The following FRZB variants were observed in gnomAD, a reference collection of about 807,000 sequenced individuals.
FRZB encodes frizzled related protein, also known as secreted frizzled-related protein 3.
In FRZB, 34 loss-of-function variants were observed where a neutral mutation model predicts 32.5. The observed-to-expected ratio is 1.05, with a 90% CI of 0.80 to 1.39. The LOEUF (loss-of-function observed/expected upper bound fraction) is 1.39. Ranked by LOEUF, FRZB falls within the 40% of genes most tolerant of loss-of-function variation. FRZB has a pLI of 0.00. For missense variants in FRZB, 423 were observed against 424.8 expected, an observed-to-expected ratio of 1.00 and a Z score of 0.04; for synonymous variants, 170 against 159.2, an observed-to-expected ratio of 1.07 and a Z score of -0.51.
intron 3 of FRZB, among the ~76,000 whole-genome samples, chr2:182,841,091 G>A (rs1302816376): frequency 3.9e-5 from 6 of 151,974 alleles, no homozygotes; most frequent in East Asian, 1.9e-4. Context: ...GTAAAGAAGC[G>A]GGTTCTTAGA....
At chr2:182,851,281 G>A (rs988863575) in intron 2 of FRZB, among the ~76,000 whole-genome samples, 1 of 152,118 alleles carries the variant, frequency 6.6e-6, no homozygotes, top group African/African-American at 2.4e-5. Context: ...ACCAAATAAA[G>A]TTTCAGTACT....
intron 1 of FRZB, among the ~76,000 whole-genome samples, chr2:182,859,668 T>C (rs977615858): frequency 2.0e-5 from 3 of 152,204 alleles, no homozygotes; most frequent in African/African-American, 7.2e-5. Context: ...GTCCTTTTTG[T>C]TTATAGGTCC....
chr2:182,834,901 G>T lies in FRZB; in HGVS notation c.926C>A (p.Thr309Asn), dbSNP rs778589052. 1 of 1,613,508 alleles carries T rather than the reference G, an allele frequency of 6.2e-7. No individual in the cohort carries two copies. Among genetic ancestry groups the T allele is most frequent in the East Asian group, 2.2e-5 (1 of 44,860 alleles). The part of the protein sequence containing the change: ...SKSDSSNSDS[T>N]QSQKSGRNSN... ...GTTCCTGCCAGACTTCTGACTCTGA[G>T]TGGAATCACTATTGCTAGAATCACT... The change falls in exon 6 of 6, where the codon ACT (threonine) becomes AAT (asparagine). Residue 309 changes from threonine to asparagine, a missense_variant. Thr to Asn is a moderately conservative substitution (Grantham distance 65). Transcript: ENST00000295113.
At chr2:182,856,747 A>G (rs935957398) in intron 2 of FRZB, among the ~76,000 whole-genome samples, 9 of 152,130 alleles carry the variant, frequency 5.9e-5, no homozygotes, top group Non-Finnish European at 5.9e-5. Context: ...TAATGAAAAC[A>G]TCAATTCACC....
rs1695571430 is a variant in FRZB, at chr2:182,840,112, CAA to C, written c.593-1501_593-1500del. Among the ~76,000 whole-genome samples, 8 of 152,222 alleles carry C rather than the reference CAA, an allele frequency of 5.3e-5. No homozygotes were observed. The South Asian group carries it at 1.7e-3, about 32-fold the overall frequency. On this transcript the variant is annotated intron_variant, in intron 3 of 5. Coordinates refer to ENST00000295113, the MANE Select transcript of FRZB (RefSeq NM_001463.4). ...TTGCCTCAAGTATGAGAACGTGTAG[CAA>C]ACAAACTGTAACTACCCAACTGTCC...
intron 2 of FRZB, among the ~76,000 whole-genome samples, chr2:182,850,913 A>G (rs1276849612): frequency 6.6e-6 from 1 of 152,182 alleles, no homozygotes; most frequent in Non-Finnish European, 1.5e-5. Context: ...GATAAAAGCC[A>G]TTCAAACTGG....
Position 182,834,981 on chromosome 2 carries a change from T to G in FRZB, c.862-16A>C. The G allele has an allele frequency of 6.4e-7, 1 of 1,552,382 alleles. No homozygotes were observed. The highest frequency in any genetic ancestry group is 8.9e-7 in the Non-Finnish European group (1 of 1,124,294). On this transcript the variant is annotated splice_polypyrimidine_tract_variant and intron_variant, in intron 5 of 5. Coordinates refer to ENST00000295113, the MANE Select transcript of FRZB (RefSeq NM_001463.4). ...TATCCCAGCGCTGTGAAATTTAAAA[T>G]AGAAAATAGTCACAAGCACATATCA...
At chr2:182,846,061 G>A (rs1695635975) in intron 2 of FRZB, among the ~76,000 whole-genome samples, 1 of 152,192 alleles carries the variant, frequency 6.6e-6, no homozygotes, top group Non-Finnish European at 1.5e-5. Context: ...AAATAGTTCA[G>A]AGGAGACAAG....
intron 3 of FRZB, among the ~76,000 whole-genome samples, chr2:182,841,475 G>A (rs930267315): frequency 3.3e-5 from 5 of 151,900 alleles, no homozygotes; most frequent in African/African-American, 9.7e-5. Context: ...ATTTTAATAA[G>A]GTTCACTGTA....
intron 2 of FRZB, among the ~76,000 whole-genome samples, chr2:182,844,818 A>G (rs1695623060): frequency 6.6e-6 from 1 of 152,234 alleles, no homozygotes. Context: ...CTATTACCTA[A>G]CAGCTAATGA....
Position 182,866,609 on chromosome 2 carries a change from C to A in FRZB, c.-57G>T. 1.7e-6 allele frequency: 2 copies of A among 1,179,162 alleles called. No individual in the cohort carries two copies. Among genetic ancestry groups the A allele is most frequent in the Non-Finnish European group, 2.3e-6 (2 of 876,592 alleles). 73.0% of individuals were successfully genotyped at this position (1,179,162 alleles called of 1,614,324 possible). ...CGCAGTGGACGCCAAAAGGCCCGCT[C>A]CGCCGTCTCCGCCTCCCCCGCTGCA... On this transcript the variant is annotated 5_prime_UTR_variant, in exon 1 of 6. Coordinates refer to ENST00000295113, the MANE Select transcript of FRZB (RefSeq NM_001463.4). This position sits in a 1 kb window ranked among gnomAD's most constrained non-coding sequence, Gnocchi z 4.5.
chr2:182,857,586 C>T (rs1444400916), intron 2 of FRZB, among the ~76,000 whole-genome samples: 4 of 148,746 alleles, frequency 2.7e-5, no homozygotes, highest in South Asian at 2.1e-4. Flanking sequence ...CACGGCACTC[C>T]AGCCTGGGCA....
At position 182,837,930 on chromosome 2, in the gene FRZB, C is replaced by T; in HGVS notation, c.861+18G>A. 6.2e-7 allele frequency: 1 copy of T among 1,603,296 alleles called. No individual in the cohort carries two copies. On this transcript the variant is annotated intron_variant, in intron 5 of 5. Transcript: ENST00000295113. ...TTTGTTTTCTGTGTATTACTTCAAA[C>T]ATAAAATACAGGCTTACCTTAACTT...
intron 1 of FRZB, among the ~76,000 whole-genome samples, chr2:182,863,710 T>C (rs1456916013): frequency 6.6e-6 from 1 of 152,242 alleles, no homozygotes; most frequent in African/African-American, 2.4e-5. Flanking sequence ...TTGTGAACTA[T>C]CACTTCCCAC....
chr2:182,836,557 C>A (rs921424583), intron 5 of FRZB, among the ~76,000 whole-genome samples: 1 of 151,998 alleles, frequency 6.6e-6, no homozygotes, highest in Non-Finnish European at 1.5e-5. Context: ...ACAGGACAAA[C>A]AAGCCATGTG....
At chr2:182,857,872 T>C (rs930173143) in intron 2 of FRZB, among the ~76,000 whole-genome samples, 3 of 152,142 alleles carry the variant, frequency 2.0e-5, no homozygotes, top group Non-Finnish European at 4.4e-5. Flanking sequence ...CCAAAAAGCA[T>C]ATATGTGGAT....
Position 182,857,579 on chromosome 2 carries a change from G to A in FRZB, c.526+1207C>T, listed in dbSNP as rs566751746. 1.4e-4 allele frequency among the ~76,000 whole-genome samples: 21 copies of A among 150,058 alleles called. 1 individual carries two copies. Among genetic ancestry groups the A allele is most frequent in the African/African-American group, 4.9e-4 (20 of 40,794 alleles). On this transcript the variant is annotated intron_variant, in intron 2 of 5. Transcript: ENST00000295113. The stretch of plus-strand genomic sequence containing the variant: ...TTGTGGTGAGCTGAGATTGCATCAC[G>A]GCACTCCAGCCTGGGCAACAGAGCA...
At chr2:182,840,628 A>G (rs1039226041) in intron 3 of FRZB, among the ~76,000 whole-genome samples, 2 of 152,090 alleles carry the variant, frequency 1.3e-5, no homozygotes, top group African/African-American at 2.4e-5. Context: ...TCTTCCTTCT[A>G]TTTAACCATT....
intron 2 of FRZB, among the ~76,000 whole-genome samples, chr2:182,857,609 T>C (rs1574988334): frequency 1.4e-5 from 2 of 141,732 alleles, no homozygotes; most frequent in Non-Finnish European, 1.5e-5. Flanking sequence ...AGAGCAAGAC[T>C]CCATCTCAAA....
Sources: allele counts gnomAD v4.1 joint callset (sites outside exome capture counted in the v4.1 genomes callset), GRCh38; gene constraint gnomAD v4.1.1; non-coding constraint Gnocchi (gnomAD v3.1); transcripts MANE v1.5; gene names NCBI Gene and HGNC (gene_info 2026-07-23, HGNC 2026-07-21).